NBEA: variants seen among roughly 807,000 people sequenced by gnomAD.
NBEA encodes lysosomal-trafficking regulator 2.
NBEA carries 44 observed loss-of-function variants against 343.4 expected under a neutral mutation model. The observed-to-expected ratio is 0.13, with a 90% CI of 0.10 to 0.16. NBEA has a LOEUF of 0.16. Among genes scored for constraint, NBEA ranks in the 10% least tolerant of loss-of-function variants. The pLI is 1.00. For missense variants in NBEA, 2,555 were observed against 3,631.3 expected (o/e 0.70, Z 7.62); for synonymous variants, 1,175 against 1,238.7 (o/e 0.95, Z 1.08).
At chr13:35,384,334 A>T (rs1258348214) in intron 38 of NBEA, among the ~76,000 whole-genome samples, 1 of 152,150 alleles carries the variant, frequency 6.6e-6, no homozygotes, top group African/African-American at 2.4e-5. Context: ...TACATCTCTG[A>T]GACATTAAGT....
At chr13:35,488,239 T>G (rs992782373) in intron 41 of NBEA, among the ~76,000 whole-genome samples, 1 of 151,888 alleles carries the variant, frequency 6.6e-6, no homozygotes, top group Non-Finnish European at 1.5e-5. Flanking sequence ...CAATCTAACT[T>G]TAATGAATTT....
intron 17 of NBEA, among the ~76,000 whole-genome samples, chr13:35,128,795 A>G (rs2067262508): frequency 6.6e-6 from 1 of 152,170 alleles, no homozygotes; most frequent in Non-Finnish European, 1.5e-5. Flanking sequence ...GTTGTGGAAC[A>G]TCTGAATTTC....
At chr13:35,595,240 G>A (rs1364052836) in intron 47 of NBEA, among the ~76,000 whole-genome samples, 7 of 151,936 alleles carry the variant, frequency 4.6e-5, no homozygotes, top group African/African-American at 1.7e-4. Flanking sequence ...GGGGGCTCCT[G>A]GGTTCACATC....
intron 18 of NBEA, among the ~76,000 whole-genome samples, chr13:35,142,686 C>G (rs1301691976): frequency 6.6e-6 from 1 of 152,102 alleles, no homozygotes; most frequent in Non-Finnish European, 1.5e-5. Flanking sequence ...TTCTGCTTCC[C>G]CATCCCCACC....
intron 41 of NBEA, among the ~76,000 whole-genome samples, chr13:35,543,208 G>C (rs2078913228): frequency 6.6e-6 from 1 of 151,906 alleles, no homozygotes; most frequent in African/African-American, 2.4e-5. Context: ...TCTCTTAATG[G>C]GATGAATAGT....
chr13:34,959,107 T>C (rs1445961119), intron 1 of NBEA, among the ~76,000 whole-genome samples: 2 of 152,190 alleles, frequency 1.3e-5, no homozygotes, highest in African/African-American at 4.8e-5. Context: ...TAGTATTATA[T>C]GTAATAATAC....
intron 41 of NBEA, among the ~76,000 whole-genome samples, chr13:35,481,067 T>G (rs537067570): frequency 6.6e-6 from 1 of 152,102 alleles, no homozygotes; most frequent in East Asian, 1.9e-4. Context: ...CGTGGTTAAT[T>G]TTTTAGAATT....
rs529686999 is a variant in NBEA, at chr13:35,173,932, T to C, written c.4554+338T>C. 5.3e-5 allele frequency among the ~76,000 whole-genome samples: 8 copies of C among 152,316 alleles called. No homozygotes were observed. The South Asian group carries it at 1.7e-3, about 32-fold the overall frequency. ...AATTCTCCTTTTAAATGGGTAGGCA[T>C]AATAGTCAACAAAAACTCACTGAAT... On this transcript the variant is annotated intron_variant, in intron 27 of 58. Coordinates refer to ENST00000379939, the MANE Select transcript of NBEA (RefSeq NM_001385012.1).
chr13:35,437,833 T>C (rs966566495), intron 39 of NBEA, among the ~76,000 whole-genome samples: 7 of 152,202 alleles, frequency 4.6e-5, no homozygotes, highest in Non-Finnish European at 8.8e-5. Context: ...GTTTTGTATA[T>C]TGTTTATATA....
intron 49 of NBEA, among the ~76,000 whole-genome samples, chr13:35,632,160 A>T (rs1214455161): frequency 6.6e-6 from 1 of 152,148 alleles, no homozygotes; most frequent in African/African-American, 2.4e-5. Flanking sequence ...ATTTTTTCTT[A>T]TCGGTTTTTA....
At chr13:35,590,255 A>G (rs1267308437) in intron 46 of NBEA, among the ~76,000 whole-genome samples, 2 of 152,246 alleles carry the variant, frequency 1.3e-5, no homozygotes, top group East Asian at 3.9e-4. Context: ...AGCTTGAAAG[A>G]TCAATACTTA....
intron 34 of NBEA, among the ~76,000 whole-genome samples, chr13:35,283,537 A>G (rs975246044): frequency 6.6e-6 from 1 of 152,178 alleles, no homozygotes; most frequent in African/African-American, 2.4e-5. Flanking sequence ...CTTCGAAAAT[A>G]TCTCATGTAA....
chr13:35,232,631 C>G lies in NBEA; in HGVS notation c.5776+12C>G. The G allele has an allele frequency of 6.8e-7, 1 of 1,461,054 alleles. No homozygotes were observed. Among genetic ancestry groups the G allele is most frequent in the Non-Finnish European group, 9.2e-7 (1 of 1,092,258 alleles). 90.5% of individuals were successfully genotyped at this position (1,461,054 alleles called of 1,614,324 possible). ...GCTATTGATAGAAGGTATGATTTCT[C>G]TATTATAATTATTTTAGTTTCCTAT... On this transcript the variant is annotated intron_variant, in intron 34 of 58. Transcript: ENST00000379939.
chr13:35,050,457 T>A, intron 6 of NBEA, 62 bp downstream of exon 6: 1 of 1,510,122 alleles, frequency 6.6e-7, no homozygotes, highest in African/African-American at 1.4e-5. Context: ...ACTCTCCTTT[T>A]ATGAGCTCTG....
chr13:35,508,253 G>A (rs1175448467), intron 41 of NBEA, among the ~76,000 whole-genome samples: 3 of 152,084 alleles, frequency 2.0e-5, no homozygotes, highest in East Asian at 1.9e-4. Flanking sequence ...TGAAAAACAT[G>A]CAATATATTG....
chr13:35,164,522 C>T lies in NBEA; in HGVS notation c.4233+13C>T. ...TACATCACCAACTGTAAGTACTTTG[C>T]CTCCATCTAGTGGTTATATTTTATA... On this transcript the variant is annotated intron_variant, in intron 24 of 58. Coordinates refer to ENST00000379939, the MANE Select transcript of NBEA (RefSeq NM_001385012.1). The T allele has an allele frequency of 6.2e-7, 1 of 1,605,580 alleles. No individual in the cohort carries two copies. The highest frequency in any genetic ancestry group is 8.5e-7 in the Non-Finnish European group (1 of 1,175,170).
intron 48 of NBEA, among the ~76,000 whole-genome samples, chr13:35,620,810 A>T (rs1959758086): frequency 6.6e-6 from 1 of 152,106 alleles, no homozygotes; most frequent in South Asian, 2.1e-4. Context: ...TTGAGCCTAT[A>T]GTCTCCCTGG....
intron 21 of NBEA, 70 bp from the exon 22 acceptor site, chr13:35,158,946 T>G: frequency 7.8e-7 from 1 of 1,284,628 alleles, no homozygotes; most frequent in Non-Finnish European, 1.1e-6. Flanking sequence ...CACAATTTAA[T>G]TTGTATTATT....
intron 1 of NBEA, among the ~76,000 whole-genome samples, chr13:34,976,467 C>G (rs1320505055): frequency 1.3e-5 from 2 of 152,066 alleles, no homozygotes; most frequent in African/African-American, 4.8e-5. Context: ...ACATGGGGTA[C>G]AGTGTACACT....
Sources: gnomAD v4.1 joint callset for allele counts (sites outside exome capture counted in the v4.1 genomes callset) on GRCh38, gnomAD v4.1.1 for gene constraint, MANE v1.5 for transcripts, NCBI Gene and HGNC (gene_info 2026-07-23, HGNC 2026-07-21) for gene names.